Variants in GFM1 observed in about 807,000 individuals in gnomAD.
GFM1 encodes elongation factor G, mitochondrial.
In GFM1, 62 loss-of-function variants were observed where a neutral mutation model predicts 96.2. The ratio of observed to expected loss-of-function variants is 0.64; its 90% CI spans 0.53 to 0.80. The LOEUF is 0.80. Among genes scored for constraint, GFM1 ranks in the 30% least tolerant of loss-of-function variants. GFM1 has a pLI of 0.00. For missense variants in GFM1, 852 were observed against 916.6 expected (o/e 0.93, Z 0.91); for synonymous variants, 282 against 312.9 (o/e 0.90, Z 1.04).
In GFM1 at chr3:158,692,040, A is replaced by T. The variant is rs1726365310; in HGVS notation, c.*573A>T. The T allele has an allele frequency of 6.5e-6, 1 of 153,050 alleles. No homozygotes were observed. The highest frequency in any genetic ancestry group is 2.4e-5 in the African/African-American group (1 of 41,466). 9.5% of individuals were successfully genotyped at this position (153,050 alleles called of 1,614,324 possible). ...CATGACACTTCTTGGAGTGTCATTA[A>T]TGGGCAGGCTTTTCTGTTGAAGAGT... On this transcript the variant is annotated 3_prime_UTR_variant, in exon 18 of 18. Coordinates refer to ENST00000486715, the MANE Select transcript of GFM1 (RefSeq NM_024996.7).
rs1205777705 is a variant in GFM1, at chr3:158,644,568, C to A, written c.-67C>A. 1.5e-6 allele frequency: 2 copies of A among 1,344,434 alleles called. No homozygotes were observed. Among genetic ancestry groups the A allele is most frequent in the African/African-American group, 1.5e-5 (1 of 68,078 alleles). 83.3% of individuals were successfully genotyped at this position (1,344,434 alleles called of 1,614,324 possible). A position where few individuals can be genotyped will look rare whatever the true frequency, so the allele number is the denominator to read the frequency against. On this transcript the variant is annotated 5_prime_UTR_variant, in exon 1 of 18. Coordinates refer to ENST00000486715, the MANE Select transcript of GFM1 (RefSeq NM_024996.7). Reference sequence around the variant, plus strand: ...CTGCCGGCGTGACTTTGACCGCTTCCCGGTGCGTTACCGGCAGCTGAACCC... The same window carrying A: ...CTGCCGGCGTGACTTTGACCGCTTCACGGTGCGTTACCGGCAGCTGAACCC...
chr3:158,658,374 A>C (rs1576744137), intron 8 of GFM1, among the ~76,000 whole-genome samples: 1 of 152,078 alleles, frequency 6.6e-6, no homozygotes, highest in East Asian at 1.9e-4. Context: ...CATGTTGGCC[A>C]GGCTGGTCTT....
chr3:158,681,843 T>C, intron 13 of GFM1, 152 bp from the exon 14 acceptor site: 2 of 750,238 alleles, frequency 2.7e-6, no homozygotes, highest in East Asian at 2.7e-5. Flanking sequence ...GGGTTCTTTT[T>C]AAAATAAATT....
At chr3:158,670,439 GC>G (rs144626831) in intron 13 of GFM1, among the ~76,000 whole-genome samples, 5,565 of 152,272 alleles carry the variant, frequency 0.037, 314 homozygotes, top group African/African-American at 0.13. Flanking sequence ...AGTTCAGACT[GC>G]CCTAAGAGTA....
intron 10 of GFM1, 131 bp downstream of exon 10, chr3:158,661,106 G>A (rs1723166822): frequency 2.7e-6 from 2 of 729,356 alleles, no homozygotes; most frequent in Non-Finnish European, 5.0e-6. Flanking sequence ...CAAGTTAGTT[G>A]TGGCTCTTTG....
chr3:158,684,125 C>G (rs563991544), intron 14 of GFM1, among the ~76,000 whole-genome samples: 1 of 152,196 alleles, frequency 6.6e-6, no homozygotes, highest in East Asian at 1.9e-4. Context: ...ACCACATGTT[C>G]TCGCTTATAA....
At chr3:158,667,555 G>A (rs1723833695) in intron 13 of GFM1, among the ~76,000 whole-genome samples, 1 of 152,220 alleles carries the variant, frequency 6.6e-6, no homozygotes, top group African/African-American at 2.4e-5. Flanking sequence ...CGGGGCTGAG[G>A]TAGGCAACTT....
At chr3:158,678,138 A>G (rs1263049890) in intron 13 of GFM1, among the ~76,000 whole-genome samples, 2 of 152,204 alleles carry the variant, frequency 1.3e-5, no homozygotes, top group Non-Finnish European at 2.9e-5. Flanking sequence ...GATTCTTTCA[A>G]AAGATTACTG....
At chr3:158,669,665 TATC>T in intron 13 of GFM1, 1 of 1,494,502 alleles carries the variant, frequency 6.7e-7, no homozygotes, top group Non-Finnish European at 9.2e-7. Flanking sequence ...CATTATTAAT[TATC>T]ATCTTTGAGA....
At chr3:158,665,512 A>G (rs1723589515) in intron 12 of GFM1, 38 bp downstream of exon 12, 45 of 1,552,178 alleles carry the variant, frequency 2.9e-5, no homozygotes, top group Non-Finnish European at 3.9e-5. Flanking sequence ...AAATCAATTT[A>G]TTACTGTCTG....
intron 15 of GFM1, among the ~76,000 whole-genome samples, chr3:158,688,221 G>C (rs1361589559): frequency 2.6e-5 from 4 of 152,164 alleles, no homozygotes; most frequent in Non-Finnish European, 5.9e-5. Flanking sequence ...ATTGACTACA[G>C]ATCTGCTGGA....
Position 158,646,895 on chromosome 3 carries a change from A to C in GFM1, c.520A>C (p.Asn174His). ...CAACGTTCCGTTTCTAACTTTTATTAACAAATTGGACCGAATGGGCTCCAA... is the reference window on the plus strand; with the variant it reads ...CAACGTTCCGTTTCTAACTTTTATTCACAAATTGGACCGAATGGGCTCCAA... The part of the protein sequence containing the change: ...RYNVPFLTFI[N>H]KLDRMGSNPA... The change falls in exon 4 of 18, where the codon AAC becomes CAC. Residue 174 changes from asparagine (N) to histidine (H), a missense_variant. Physicochemically the swap from Asn to His is moderately conservative, Grantham distance 68. Coordinates refer to ENST00000486715, the MANE Select transcript of GFM1 (RefSeq NM_024996.7). The C allele has an allele frequency of 1.2e-6, 2 of 1,614,128 alleles. No individual in the cohort carries two copies. Among genetic ancestry groups the C allele is most frequent in the Non-Finnish European group, 1.7e-6 (2 of 1,180,018 alleles).
intron 5 of GFM1, among the ~76,000 whole-genome samples, chr3:158,651,474 A>G (rs1553848148): frequency 6.6e-6 from 1 of 151,820 alleles, no homozygotes; most frequent in Non-Finnish European, 1.5e-5. Context: ...GAAAATGCAG[A>G]TAATAGAAGC....
chr3:158,655,952 T>A (rs998376645), intron 8 of GFM1: 3 of 456,330 alleles, frequency 6.6e-6, no homozygotes, highest in African/African-American at 6.0e-5. Context: ...CTCACGAGAT[T>A]GATATTTTTG....
chr3:158,677,050 A>G (rs1275587356), intron 13 of GFM1, among the ~76,000 whole-genome samples: 1 of 152,092 alleles, frequency 6.6e-6, no homozygotes, highest in Non-Finnish European at 1.5e-5. Context: ...TCTGTGTCAC[A>G]TTTTGGTAAT....
chr3:158,665,303 T>C, intron 11 of GFM1, 34 bp from the exon 12 acceptor site: 1 of 1,553,438 alleles, frequency 6.4e-7, no homozygotes, highest in Non-Finnish European at 8.9e-7. Context: ...TCATGCTCAG[T>C]AAAACATATA....
chr3:158,666,419 C>T (rs987091979), intron 13 of GFM1, 33 bp downstream of exon 13: 3 of 1,558,512 alleles, frequency 1.9e-6, no homozygotes, highest in African/African-American at 1.4e-5. Flanking sequence ...CATTATGAGG[C>T]TGAAATTGAA....
At chr3:158,664,028 T>TG (rs1406433245) in intron 11 of GFM1, among the ~76,000 whole-genome samples, 1 of 152,196 alleles carries the variant, frequency 6.6e-6, no homozygotes, top group Non-Finnish European at 1.5e-5. Context: ...ATGCAATAGC[T>TG]GTGTGGCCTT....
At chr3:158,675,688 A>G (rs1724826603) in intron 13 of GFM1, among the ~76,000 whole-genome samples, 1 of 152,202 alleles carries the variant, frequency 6.6e-6, no homozygotes, top group African/African-American at 2.4e-5. Flanking sequence ...ATCTTATAAA[A>G]TTATGCTTCT....
Sources: allele counts gnomAD v4.1 joint callset (sites outside exome capture counted in the v4.1 genomes callset), GRCh38; gene constraint gnomAD v4.1.1; transcripts MANE v1.5; gene names NCBI Gene and HGNC (gene_info 2026-07-23, HGNC 2026-07-21).